Variants in TUT4 observed in about 807,000 individuals in gnomAD.
The protein encoded by TUT4 is terminal uridylyl transferase 4.
TUT4 carries 36 observed loss-of-function variants against 192.2 expected under a neutral mutation model. The ratio of observed to expected loss-of-function variants is 0.19; its 90% confidence interval spans 0.14 to 0.25. TUT4 has a LOEUF of 0.25. Ranked by LOEUF, TUT4 falls within the 10% of genes least tolerant of loss-of-function variation. TUT4 has a pLI of 1.00. For missense variants in TUT4, 1,493 were observed against 1,957.2 expected, an observed-to-expected ratio of 0.76 and a Z score of 4.47; for synonymous variants, 618 against 666.0, an observed-to-expected ratio of 0.93 and a Z score of 1.11.
At chr1:52,441,444 A>ATTTTTTTTTTTTTTTTTTTTTT (rs557710242) in intron 24 of TUT4, among the ~76,000 whole-genome samples, 1 of 119,984 alleles carries the variant, frequency 8.3e-6, no homozygotes, top group Non-Finnish European at 1.7e-5. Context: ...TCTCGGCTAA[A>ATTTTTTTTTTTTTTTTTTTTTT]TTTTTTTTTT....
intron 1 of TUT4, among the ~76,000 whole-genome samples, chr1:52,542,769 A>T (rs11205970): frequency 0.35 from 51,960 of 148,206 alleles, 12,098 homozygotes; most frequent in African/African-American, 0.68. Context: ...TTATTTATTT[A>T]TTTTTTTTTG....
chr1:52,436,099 G>T (rs1381269516), intron 26 of TUT4, among the ~76,000 whole-genome samples: 3 of 152,094 alleles, frequency 2.0e-5, no homozygotes, highest in Non-Finnish European at 4.4e-5. Context: ...CATAACAGCA[G>T]TGGGAAGAAA....
At chr1:52,486,998 C>G (rs1484267915) in intron 9 of TUT4, among the ~76,000 whole-genome samples, 2 of 152,046 alleles carry the variant, frequency 1.3e-5, no homozygotes, top group Non-Finnish European at 2.9e-5. Flanking sequence ...TTAAAAGTAC[C>G]AACAAAGAAG....
intron 20 of TUT4, among the ~76,000 whole-genome samples, chr1:52,447,389 C>A (rs933835814): frequency 6.6e-6 from 1 of 150,476 alleles, no homozygotes; most frequent in Admixed American, 6.7e-5. Flanking sequence ...GCAGAGGTTG[C>A]AGTCAGCCGA....
At chr1:52,469,736 A>G (rs1427301393) in intron 14 of TUT4, among the ~76,000 whole-genome samples, 1 of 151,950 alleles carries the variant, frequency 6.6e-6, no homozygotes, top group East Asian at 1.9e-4. Flanking sequence ...TAAAAATACA[A>G]AAAATTAGCC....
intron 4 of TUT4, among the ~76,000 whole-genome samples, chr1:52,503,444 G>C (rs1301792043): frequency 6.6e-6 from 1 of 151,440 alleles, no homozygotes; most frequent in Non-Finnish European, 1.5e-5. Flanking sequence ...GCACAATGAA[G>C]TTTCCTGAAA....
chr1:52,478,331 T>C (rs534098699), intron 11 of TUT4, among the ~76,000 whole-genome samples: 7 of 152,214 alleles, frequency 4.6e-5, no homozygotes, highest in Non-Finnish European at 8.8e-5. Flanking sequence ...TTTTAAAATA[T>C]AAGTAAATGC....
At chr1:52,504,499 A>G (rs1431067401) in intron 4 of TUT4, among the ~76,000 whole-genome samples, 2 of 152,096 alleles carry the variant, frequency 1.3e-5, no homozygotes, top group African/African-American at 4.8e-5. Context: ...GCGTGGTGGC[A>G]TGCACTTGTA....
chr1:52,545,110 T>G (rs755181820), intron 1 of TUT4, among the ~76,000 whole-genome samples: 4 of 150,286 alleles, frequency 2.7e-5, no homozygotes, highest in Non-Finnish European at 5.9e-5. Context: ...GCATGGTGGC[T>G]CATGCCTATA....
At chr1:52,504,350 G>A (rs1674940048) in intron 4 of TUT4, among the ~76,000 whole-genome samples, 1 of 152,010 alleles carries the variant, frequency 6.6e-6, no homozygotes, top group Non-Finnish European at 1.5e-5. Context: ...TACATGTTAT[G>A]GCCAGGTGCA....
chr1:52,438,230 T>C lies in TUT4; in HGVS notation c.3928A>G (p.Lys1310Glu). 6.2e-7 allele frequency: 1 copy of C among 1,610,942 alleles called. No individual in the cohort carries two copies. Among genetic ancestry groups the C allele is most frequent in the Non-Finnish European group, 8.5e-7 (1 of 1,179,088 alleles). Residue 1310 changes from lysine (K) to glutamate (E), a missense_variant, in exon 25 of 30, where the codon AAA becomes GAA. Physicochemically the swap from Lys to Glu is moderately conservative, Grantham distance 56. Around this residue, in one of 7 missense-constraint regions of TUT4, gnomAD observed 141 missense variants for 382.7 expected, o/e 0.37. Transcript: ENST00000257177. ...KIGHYMKDCPKRKSSLLFRLK... is the reference protein window; with the variant it reads ...KIGHYMKDCPERKSSLLFRLK... Reference sequence around the variant, plus strand: ...TATTCATTTGCCAACCTTTTCCTTTTAGGGCAGTCTTTCATGTAGTGGCCT... The same window carrying C: ...TATTCATTTGCCAACCTTTTCCTTTCAGGGCAGTCTTTCATGTAGTGGCCT...
intron 24 of TUT4, among the ~76,000 whole-genome samples, chr1:52,440,341 G>T (rs1433183071): frequency 6.6e-6 from 1 of 151,944 alleles, no homozygotes; most frequent in Non-Finnish European, 1.5e-5. Context: ...GTGTTGGCCA[G>T]GCTGGTCTTG....
chr1:52,489,347 T>C (rs1268232760), intron 8 of TUT4, among the ~76,000 whole-genome samples: 1 of 152,204 alleles, frequency 6.6e-6, no homozygotes, highest in Non-Finnish European at 1.5e-5. Context: ...TTATCAAAAC[T>C]GATATACATG....
At chr1:52,441,024 T>C (rs947345791) in intron 24 of TUT4, among the ~76,000 whole-genome samples, 3 of 152,124 alleles carry the variant, frequency 2.0e-5, no homozygotes, top group African/African-American at 4.8e-5. Flanking sequence ...GCAATGACAT[T>C]TTATGTATTT....
intron 1 of TUT4, among the ~76,000 whole-genome samples, chr1:52,549,871 T>TTC (rs961020272): frequency 3.3e-5 from 5 of 152,136 alleles, no homozygotes; most frequent in Non-Finnish European, 1.5e-5. Flanking sequence ...TTTGGTTCCC[T>TTC]TCTCTCTCCC....
intron 2 of TUT4, among the ~76,000 whole-genome samples, chr1:52,522,720 G>C (rs1472150379): frequency 6.6e-6 from 1 of 152,140 alleles, no homozygotes; most frequent in African/African-American, 2.4e-5. Context: ...GAGGTCAGGA[G>C]TCTGAGATCA....
chr1:52,481,771 A>G, intron 10 of TUT4, 33 bp downstream of exon 10: 1 of 1,559,868 alleles, frequency 6.4e-7, no homozygotes, highest in Non-Finnish European at 8.6e-7. Flanking sequence ...CTATATATAT[A>G]TATGCATATA....
chr1:52,494,022 T>C (rs1671849597), intron 6 of TUT4, among the ~76,000 whole-genome samples: 1 of 151,652 alleles, frequency 6.6e-6, no homozygotes, highest in East Asian at 1.9e-4. Context: ...AGGCTGGTCT[T>C]GAACTCCTGG....
chr1:52,487,713 G>A (rs1000789468), intron 9 of TUT4, among the ~76,000 whole-genome samples: 7 of 151,902 alleles, frequency 4.6e-5, no homozygotes, highest in Admixed American at 2.0e-4. Context: ...GGCCAGCATG[G>A]GCAACATCAT....
Sources: gnomAD v4.1 joint callset for allele counts (sites outside exome capture counted in the v4.1 genomes callset) on GRCh38, gnomAD v4.1.1 for gene constraint, gnomAD v4.1.1 regional missense constraint, MANE v1.5 for transcripts, NCBI Gene and HGNC (gene_info 2026-07-23, HGNC 2026-07-21) for gene names.